Variants in TSHZ2 observed in about 807,000 individuals in gnomAD.
The protein encoded by TSHZ2 is teashirt zinc finger homeobox 2, also known as teashirt homolog 2.
A neutral mutation model predicts 74.4 loss-of-function variants in TSHZ2; 21 were observed. The ratio of observed to expected loss-of-function variants is 0.28; its 90% CI spans 0.20 to 0.41. The LOEUF is 0.41. TSHZ2 is among the 10% of genes least tolerant of loss of function. The pLI, the probability that TSHZ2 is intolerant of heterozygous loss-of-function variation, is 1.00. For synonymous variants in TSHZ2, 540 were observed against 515.3 expected (o/e 1.05, Z -0.65); for missense variants, 1,244 against 1,293.5 (o/e 0.96, Z 0.59).
intron 1 of TSHZ2, among the ~76,000 whole-genome samples, chr20:53,117,132 T>C (rs1004766500): frequency 6.6e-6 from 1 of 151,896 alleles, no homozygotes; most frequent in Non-Finnish European, 1.5e-5. Flanking sequence ...CTTCATGACC[T>C]AAGTACTTCC....
At chr20:53,470,375 A>G (rs908776343) in intron 2 of TSHZ2, among the ~76,000 whole-genome samples, 20 of 152,244 alleles carry the variant, frequency 1.3e-4, no homozygotes, top group Admixed American at 7.9e-4. Flanking sequence ...ACTAATAATG[A>G]AATTCAGCAA....
intron 2 of TSHZ2, among the ~76,000 whole-genome samples, chr20:53,298,210 C>A (rs1991417420): frequency 6.6e-6 from 1 of 152,220 alleles, no homozygotes; most frequent in African/African-American, 2.4e-5. Flanking sequence ...CTCTGCTGTA[C>A]ACGGAGACAT....
At chr20:53,161,500 A>G (rs1987939444) in intron 1 of TSHZ2, among the ~76,000 whole-genome samples, 1 of 152,222 alleles carries the variant, frequency 6.6e-6, no homozygotes, top group Non-Finnish European at 1.5e-5. Flanking sequence ...AAGGAAAGAG[A>G]TGTAATTGAC....
At chr20:53,079,727 A>G (rs757420325) in intron 1 of TSHZ2, among the ~76,000 whole-genome samples, 35 of 152,214 alleles carry the variant, frequency 2.3e-4, no homozygotes, top group Admixed American at 3.3e-4. Context: ...TGTGCCCTCT[A>G]TCACACTAGC....
intron 2 of TSHZ2, among the ~76,000 whole-genome samples, chr20:53,277,419 TG>T (rs1990968651): frequency 6.6e-6 from 1 of 151,800 alleles, no homozygotes; most frequent in Non-Finnish European, 1.5e-5. Context: ...CTACTAAACT[TG>T]CTTTCACTTT....
chr20:53,472,068 G>C (rs967874019), intron 2 of TSHZ2, among the ~76,000 whole-genome samples: 2 of 152,158 alleles, frequency 1.3e-5, no homozygotes, highest in African/African-American at 4.8e-5. Context: ...GCCTCCCAAA[G>C]TGCTGGGACT....
chr20:53,159,444 C>T (rs1987875316), intron 1 of TSHZ2, among the ~76,000 whole-genome samples: 2 of 152,040 alleles, frequency 1.3e-5, no homozygotes, highest in African/African-American at 2.4e-5. Context: ...CCATGTGACC[C>T]TCAAAGCCTG....
chr20:53,109,906 G>A (rs1232188666), intron 1 of TSHZ2, among the ~76,000 whole-genome samples: 1 of 152,160 alleles, frequency 6.6e-6, no homozygotes, highest in African/African-American at 2.4e-5. Context: ...GCTCAGCTCA[G>A]CTCATCTCCT....
intron 2 of TSHZ2, among the ~76,000 whole-genome samples, chr20:53,420,842 T>C (rs1046500666): frequency 8.5e-5 from 13 of 152,236 alleles, no homozygotes; most frequent in African/African-American, 3.1e-4. Flanking sequence ...TTTTGGAGTT[T>C]GTGTTACCCA....
chr20:53,048,257 T>C (rs1380980513), intron 1 of TSHZ2, among the ~76,000 whole-genome samples: 2 of 152,212 alleles, frequency 1.3e-5, no homozygotes, highest in Non-Finnish European at 2.9e-5. Flanking sequence ...TTGATCTTTG[T>C]TTTCATAAGT....
chr20:53,294,832 T>C (rs1991344620), intron 2 of TSHZ2, among the ~76,000 whole-genome samples: 1 of 152,194 alleles, frequency 6.6e-6, no homozygotes, highest in Admixed American at 6.5e-5. Context: ...ATTTCTCAAG[T>C]TTCCCTTTGA....
intron 1 of TSHZ2, among the ~76,000 whole-genome samples, chr20:53,117,668 CA>C (rs1986707260): frequency 6.6e-6 from 1 of 152,160 alleles, no homozygotes; most frequent in Non-Finnish European, 1.5e-5. Flanking sequence ...GAGCCAGCTT[CA>C]AGTTCAGAAG....
intron 1 of TSHZ2, among the ~76,000 whole-genome samples, chr20:53,080,659 A>G (rs1985504045): frequency 6.6e-6 from 1 of 152,160 alleles, no homozygotes; most frequent in African/African-American, 2.4e-5. Flanking sequence ...ACTCCTATGA[A>G]AATCGAATGC....
At chr20:53,135,215 T>C (rs1359611939) in intron 1 of TSHZ2, among the ~76,000 whole-genome samples, 1 of 152,222 alleles carries the variant, frequency 6.6e-6, no homozygotes, top group African/African-American at 2.4e-5. Flanking sequence ...CATTCATGTA[T>C]AGATCTGTGT....
chr20:53,141,990 T>TG (rs1437018519), intron 1 of TSHZ2, among the ~76,000 whole-genome samples: 1 of 152,154 alleles, frequency 6.6e-6, no homozygotes, highest in Non-Finnish European at 1.5e-5. Context: ...GGGACGGTGG[T>TG]GGGGGGCTCT....
chr20:53,213,260 C>T (rs1249738943), intron 1 of TSHZ2, among the ~76,000 whole-genome samples: 1 of 152,162 alleles, frequency 6.6e-6, no homozygotes, highest in African/African-American at 2.4e-5. Flanking sequence ...TTAACAGTTT[C>T]TTGTTCATGC....
intron 2 of TSHZ2, among the ~76,000 whole-genome samples, chr20:53,418,034 GTGTT>G (rs1292301060): frequency 6.6e-6 from 1 of 152,194 alleles, no homozygotes; most frequent in Admixed American, 6.5e-5. Flanking sequence ...TTATTAATGA[GTGTT>G]TGACGCCATA....
chr20:53,361,970 C>T (rs1432357885), intron 2 of TSHZ2, among the ~76,000 whole-genome samples: 4 of 151,004 alleles, frequency 2.6e-5, no homozygotes, highest in East Asian at 3.9e-4. Context: ...CCCAGGCTGT[C>T]GTGCGATGGC....
chr20:53,012,773 G>A (rs931477424), intron 1 of TSHZ2, among the ~76,000 whole-genome samples: 5 of 151,914 alleles, frequency 3.3e-5, no homozygotes, highest in Non-Finnish European at 5.9e-5. Context: ...TTCTTTTCTC[G>A]CTCATGTCTC....
Sources: gnomAD v4.1 joint callset for allele counts (sites outside exome capture counted in the v4.1 genomes callset) on GRCh38, gnomAD v4.1.1 for gene constraint, MANE v1.5 for transcripts, NCBI Gene and HGNC (gene_info 2026-07-23, HGNC 2026-07-21) for gene names.